ALK: variants seen among roughly 807,000 people sequenced by gnomAD.
ALK encodes the protein ALK receptor tyrosine kinase.
Under a neutral mutation model 163.1 loss-of-function variants are expected in ALK, and 74 were observed. That is an observed-to-expected ratio of 0.45 (90% CI 0.38 to 0.55). The LOEUF is 0.55. ALK is among the 20% of genes least tolerant of loss of function. The pLI is 0.00. For synonymous variants in ALK, 960 were observed against 843.2 expected, an observed-to-expected ratio of 1.14 and a Z score of -2.40; for missense variants, 2,063 against 2,105.3, an observed-to-expected ratio of 0.98 and a Z score of 0.39.
chr2:29,821,296 G>C (rs914450554), intron 1 of ALK, among the ~76,000 whole-genome samples: 2 of 152,074 alleles, frequency 1.3e-5, no homozygotes, highest in African/African-American at 2.4e-5. Flanking sequence ...ACTAGGGGGA[G>C]ACTGCTTCTC....
chr2:29,619,794 T>G (rs1675974725), intron 3 of ALK, among the ~76,000 whole-genome samples: 1 of 152,226 alleles, frequency 6.6e-6, no homozygotes, highest in Non-Finnish European at 1.5e-5. Flanking sequence ...CAAGGGTCCC[T>G]GGTCTGCTGC....
chr2:29,749,528 G>A (rs1488523640), intron 1 of ALK, among the ~76,000 whole-genome samples: 1 of 152,106 alleles, frequency 6.6e-6, no homozygotes, highest in Non-Finnish European at 1.5e-5. Context: ...TGGGACTGCT[G>A]ACCAACTAGA....
At chr2:29,528,460 G>A (rs991142618) in intron 4 of ALK, among the ~76,000 whole-genome samples, 4 of 152,176 alleles carry the variant, frequency 2.6e-5, no homozygotes, top group South Asian at 2.1e-4. Context: ...TGCCACTAGC[G>A]ATCTTAGCTC....
At chr2:29,257,027 C>T (rs935799074) in intron 11 of ALK, among the ~76,000 whole-genome samples, 2 of 152,130 alleles carry the variant, frequency 1.3e-5, no homozygotes, top group Non-Finnish European at 2.9e-5. Context: ...GTGAGACTAG[C>T]AGTGAGGCTG....
Position 29,446,252 on chromosome 2 carries a change from T to C in ALK, c.1155-62393A>G, listed in dbSNP as rs530551851. ...TCTCAAGGCAACTCTGGATCAATTC[T>C]CAGAGCAACAAGGCTCTGAGGTCCA... On this transcript the variant is annotated intron_variant, in intron 4 of 28. Transcript: ENST00000389048. Among the ~76,000 whole-genome samples, 384 of 152,072 alleles carry C rather than the reference T, an allele frequency of 2.5e-3. 1 individual carries two copies. Among genetic ancestry groups the C allele is most frequent in the African/African-American group, 8.8e-3 (365 of 41,464 alleles).
In ALK at chr2:29,701,327, C is replaced by T. The variant is rs1031681476; in HGVS notation, c.788-6313G>A. Among the ~76,000 whole-genome samples, 6 of 152,124 alleles carry T rather than the reference C, an allele frequency of 3.9e-5. No homozygotes were observed. In the South Asian group the frequency reaches 1.2e-3, roughly 32 times the overall value. On this transcript the variant is annotated intron_variant, in intron 2 of 28. Transcript: ENST00000389048. ...GTTTCAAGGTAGAGGACCAGCAGCTCCCCTTAGTTTTAAAGACATCCCCTC... is the reference window on the plus strand; with the variant it reads ...GTTTCAAGGTAGAGGACCAGCAGCTTCCCTTAGTTTTAAAGACATCCCCTC...
chr2:29,639,624 T>A (rs1368416431), intron 3 of ALK, among the ~76,000 whole-genome samples: 1 of 152,200 alleles, frequency 6.6e-6, no homozygotes, highest in Non-Finnish European at 1.5e-5. Context: ...GTGCGAGCTA[T>A]AGGCTTCTAC....
intron 7 of ALK, among the ~76,000 whole-genome samples, chr2:29,318,614 C>T (rs537294541): frequency 2.6e-5 from 4 of 151,504 alleles, no homozygotes; most frequent in South Asian, 2.1e-4. Context: ...TAGCTCAGAC[C>T]GGAGTGCAGT....
At chr2:29,372,993 AT>A (rs111433897) in intron 5 of ALK, among the ~76,000 whole-genome samples, 3 of 151,922 alleles carry the variant, frequency 2.0e-5, no homozygotes, top group African/African-American at 4.8e-5. Context: ...TCACAGCCAC[AT>A]TTTTTTTAAG....
chr2:29,670,358 T>A (rs1483637109), intron 3 of ALK, among the ~76,000 whole-genome samples: 1 of 152,176 alleles, frequency 6.6e-6, no homozygotes, highest in Non-Finnish European at 1.5e-5. Context: ...CCTGGCCTAC[T>A]TAGAAGTCTG....
At chr2:29,478,622 G>A (rs1453298933) in intron 4 of ALK, among the ~76,000 whole-genome samples, 1 of 152,222 alleles carries the variant, frequency 6.6e-6, no homozygotes, top group African/African-American at 2.4e-5. Flanking sequence ...TAAGTCATAC[G>A]CATACGCAAG....
At chr2:29,904,790 G>A (rs1262683680) in intron 1 of ALK, among the ~76,000 whole-genome samples, 1 of 152,168 alleles carries the variant, frequency 6.6e-6, no homozygotes, top group Non-Finnish European at 1.5e-5. Flanking sequence ...CAGAAGTACA[G>A]GGGTTAACGA....
chr2:29,227,734 C>G lies in ALK; in HGVS notation c.2816-62G>C, dbSNP rs866294941. 7.5e-7 allele frequency: 1 copy of G among 1,340,372 alleles called. No individual in the cohort carries two copies. Among genetic ancestry groups the G allele is most frequent in the Middle Eastern group, 2.4e-4 (1 of 4,210 alleles). The allele number at this position is 1,340,372 out of a possible 1,614,324, so 83.0% of individuals were successfully genotyped here. ...GTGGGTGCCAAAATCTTAACACACA[C>G]ACACGTCAGTGGGGCATGCAGCTCT... is the stretch of plus-strand genomic sequence containing the variant. On this transcript the variant is annotated intron_variant, in intron 16 of 28. Coordinates refer to ENST00000389048, the MANE Select transcript of ALK (RefSeq NM_004304.5). The surrounding 1 kb of genome is among the most constrained non-coding windows in gnomAD (Gnocchi z 4.4).
At chr2:29,665,029 C>A (rs1472440310) in intron 3 of ALK, among the ~76,000 whole-genome samples, 1 of 140,942 alleles carries the variant, frequency 7.1e-6, no homozygotes, top group Non-Finnish European at 1.5e-5. Flanking sequence ...GAGACCTGCT[C>A]TCACTGTGCC....
intron 1 of ALK, among the ~76,000 whole-genome samples, chr2:29,844,066 T>C (rs1378979875): frequency 1.3e-5 from 2 of 152,176 alleles, no homozygotes; most frequent in Non-Finnish European, 2.9e-5. Flanking sequence ...GTAAAGGGCA[T>C]AGAATGGATG....
At position 29,567,205 on chromosome 2, in the gene ALK, C is replaced by G. The variant is rs180684961; in HGVS notation, c.953-35089G>C. Among the ~76,000 whole-genome samples, 319 of 152,302 alleles carry G rather than the reference C, an allele frequency of 2.1e-3. 1 individual carries two copies. Among genetic ancestry groups the G allele is most frequent in the Non-Finnish European group, 2.1e-3 (142 of 68,034 alleles). On this transcript the variant is annotated intron_variant, in intron 3 of 28. Transcript: ENST00000389048. Reference sequence around the variant, plus strand: ...AAAGGCAACACAGACCAGGTAACACCTTTTGGTTGTCTTACTGGGCGTCAG... The same window carrying G: ...AAAGGCAACACAGACCAGGTAACACGTTTTGGTTGTCTTACTGGGCGTCAG...
intron 8 of ALK, among the ~76,000 whole-genome samples, chr2:29,312,139 A>T (rs1218228760): frequency 6.6e-6 from 1 of 152,080 alleles, no homozygotes; most frequent in African/African-American, 2.4e-5. Flanking sequence ...AACCCTCCAG[A>T]TTCAGGCTCC....
At chr2:29,404,369 CA>C (rs1440383425) in intron 4 of ALK, among the ~76,000 whole-genome samples, 4 of 148,058 alleles carry the variant, frequency 2.7e-5, no homozygotes, top group Non-Finnish European at 6.0e-5. Flanking sequence ...AAATAAATAA[CA>C]TATAAATATT....
chr2:29,453,223 A>G (rs539189541), intron 4 of ALK, among the ~76,000 whole-genome samples: 14 of 152,260 alleles, frequency 9.2e-5, no homozygotes, highest in Admixed American at 3.9e-4. Context: ...TAAATATCAA[A>G]CTATCTCAAA....
Sources: allele counts gnomAD v4.1 joint callset (sites outside exome capture counted in the v4.1 genomes callset), GRCh38; gene constraint gnomAD v4.1.1; non-coding constraint Gnocchi (gnomAD v3.1); transcripts MANE v1.5; gene names NCBI Gene and HGNC (gene_info 2026-07-23, HGNC 2026-07-21).